LCA5: variants seen among roughly 807,000 people sequenced by gnomAD.
LCA5 encodes the protein lebercilin LCA5.
A neutral mutation model predicts 53.0 loss-of-function variants in LCA5; 37 were observed. That is an observed-to-expected ratio of 0.70 (90% CI 0.54 to 0.92). LCA5 has a LOEUF of 0.92. Among genes scored for constraint, LCA5 ranks in the 40% least tolerant of loss-of-function variants. The probability of loss-of-function intolerance (pLI) is 0.00; values close to 1 mark genes in which losing one functional copy is unlikely to be tolerated. For synonymous variants in LCA5, 303 were observed against 282.9 expected (o/e 1.07, Z -0.71); for missense variants, 806 against 790.5 (o/e 1.02, Z -0.23).
intron 1 of LCA5, among the ~76,000 whole-genome samples, chr6:79,533,810 T>C (rs548253528): frequency 1.3e-5 from 2 of 151,900 alleles, no homozygotes; most frequent in South Asian, 4.2e-4. Flanking sequence ...GAAAAAAAAC[T>C]GTAAAATCAA....
At chr6:79,517,376 GA>G (rs554214481) in intron 2 of LCA5, among the ~76,000 whole-genome samples, 1 of 151,928 alleles carries the variant, frequency 6.6e-6, no homozygotes, top group South Asian at 2.1e-4. Context: ...GGGGAATGAA[GA>G]AAAAAATTAA....
rs1404363423 is a variant in LCA5, at chr6:79,487,310, T to G, written c.1788A>C (p.Thr596=). 3 of 1,613,472 alleles carry G rather than the reference T, an allele frequency of 1.9e-6. No homozygotes were observed. Among genetic ancestry groups the G allele is most frequent in the African/African-American group, 2.7e-5 (2 of 74,760 alleles). ...KLSKDGVDLI[T]RKEKKANLME... is the part of the protein sequence containing the mutation. ...TCAAATTAGCTTTTTTCTCTTTTCTTGTAATTAAATCTACACCATCTTTAC... is the reference window on the plus strand; with the variant it reads ...TCAAATTAGCTTTTTTCTCTTTTCTGGTAATTAAATCTACACCATCTTTAC... Residue 596 remains threonine, a synonymous_variant, in exon 8 of 8, where the codon ACA becomes ACC. Coordinates refer to ENST00000369846, the MANE Select transcript of LCA5 (RefSeq NM_001122769.3).
At chr6:79,528,192 A>T (rs1766847379) in intron 1 of LCA5, among the ~76,000 whole-genome samples, 2 of 152,198 alleles carry the variant, frequency 1.3e-5, no homozygotes, top group African/African-American at 4.8e-5. Context: ...GAAACTTATA[A>T]AAGTCTGTCA....
intron 1 of LCA5, among the ~76,000 whole-genome samples, chr6:79,525,766 TG>T (rs1766767767): frequency 5.7e-5 from 6 of 104,826 alleles, no homozygotes; most frequent in African/African-American, 2.6e-4. Flanking sequence ...AAGTTAACTT[TG>T]TAACTAACAA....
intron 3 of LCA5, among the ~76,000 whole-genome samples, chr6:79,497,428 C>T (rs974786528): frequency 7.2e-5 from 11 of 152,086 alleles, no homozygotes; most frequent in Admixed American, 4.6e-4. Context: ...AATAATATCA[C>T]CTATTCAGTA....
rs114266017 is a variant in LCA5, at chr6:79,491,101, C to T, written c.1098+487G>A. ...ATTCTAACAAATCATTTGAAAACTA[C>T]TATTACTTGCTACTAAAGATAAAAG... On this transcript the variant is annotated intron_variant, in intron 6 of 7. Transcript: ENST00000369846. Among the ~76,000 whole-genome samples the T allele has an allele frequency of 3.5e-3, 531 of 151,806 alleles. 3 individuals are homozygous for T. The highest frequency in any genetic ancestry group is 0.012 in the African/African-American group (494 of 41,428).
At position 79,487,217 on chromosome 6, in the gene LCA5, C is replaced by T. The variant is rs1769688323; in HGVS notation, c.1881G>A (p.Val627=). The change falls in exon 8 of 8, where the codon GTG becomes GTA. Residue 627 remains valine, a synonymous_variant. Transcript: ENST00000369846. ...GGTCAATGTCTCCTTTACTGGAAGC[C>T]ACAGAATTTGGGTCACTGCTTTTGG... ...ISSKSSDPNS[V]ASSKGDIDPL... 1 of 1,613,872 alleles carries T rather than the reference C, an allele frequency of 6.2e-7. No individual in the cohort carries two copies. Among genetic ancestry groups the T allele is most frequent in the African/African-American group, 1.3e-5 (1 of 74,904 alleles).
intron 3 of LCA5, among the ~76,000 whole-genome samples, chr6:79,508,198 T>G (rs977416304): frequency 1.2e-4 from 18 of 152,156 alleles, no homozygotes; most frequent in African/African-American, 4.1e-4. Context: ...GGCCCGGAAC[T>G]AGAGCAAACC....
chr6:79,513,675 T>C lies in LCA5; in HGVS notation c.257A>G (p.Gln86Arg), dbSNP rs1385161968. 1 of 1,613,836 alleles carries C rather than the reference T, an allele frequency of 6.2e-7. No individual in the cohort carries two copies. The highest frequency in any genetic ancestry group is 1.1e-5 in the South Asian group (1 of 91,078). The part of the protein sequence containing the change: ...RKGVRVGFRS[Q>R]SLNREPLRKD... ...CCGAAGTGGCTCTCTATTGAGGCTC[T>C]GGGAGCGAAATCCCACTCGGACTCC... Residue 86 changes from glutamine to arginine, a missense_variant, in exon 3 of 8, where the codon CAG becomes CGG. Transcript: ENST00000369846.
intron 5 of LCA5, 112 bp from the exon 6 acceptor site, chr6:79,491,842 A>C (rs1769853078): frequency 7.2e-6 from 6 of 829,224 alleles, no homozygotes; most frequent in Non-Finnish European, 1.2e-5. Context: ...ATACATGTAC[A>C]TTTATATGCA....
intron 1 of LCA5, among the ~76,000 whole-genome samples, chr6:79,531,774 A>AT (rs1283734551): frequency 6.6e-6 from 1 of 151,772 alleles, no homozygotes; most frequent in African/African-American, 2.4e-5. Context: ...ATAGTGATCT[A>AT]TTTTCCTGGT....
chr6:79,532,615 C>T (rs1405046644), intron 1 of LCA5, among the ~76,000 whole-genome samples: 1 of 152,174 alleles, frequency 6.6e-6, no homozygotes, highest in Non-Finnish European at 1.5e-5. Context: ...CTAATTAGAA[C>T]TTCACAAAAG....
At chr6:79,532,906 T>C (rs1447535459) in intron 1 of LCA5, among the ~76,000 whole-genome samples, 1 of 152,188 alleles carries the variant, frequency 6.6e-6, no homozygotes, top group Non-Finnish European at 1.5e-5. Flanking sequence ...TAATGTTATT[T>C]CAAATAGAAT....
At position 79,486,942 on chromosome 6, in the gene LCA5, A is replaced by G; in HGVS notation, c.*62T>C. ...AGCATTAAAAAGTCTAAATGTTTAT[A>G]ATAAATACTGTATTAAAATATTTCA... is the stretch of plus-strand genomic sequence containing the variant. On this transcript the variant is annotated 3_prime_UTR_variant, in exon 8 of 8. Coordinates refer to ENST00000369846, the MANE Select transcript of LCA5 (RefSeq NM_001122769.3). 1 of 1,326,204 alleles carries G rather than the reference A, an allele frequency of 7.5e-7. No homozygotes were observed. The highest frequency in any genetic ancestry group is 1.4e-5 in the South Asian group (1 of 73,830). 82.2% of individuals were successfully genotyped at this position (1,326,204 alleles called of 1,614,324 possible). A position where few individuals can be genotyped will look rare whatever the true frequency, so the allele number is the denominator to read the frequency against.
chr6:79,513,596 G>T lies in LCA5; in HGVS notation c.336C>A (p.Ile112=), dbSNP rs377617325. 1.1e-5 allele frequency: 17 copies of T among 1,613,772 alleles called. No individual in the cohort carries two copies. The African/African-American group carries it at 2.3e-4, about 22-fold the overall frequency. ...KRILSARLLK[I]NELQNEVSEL... ...CAGATACTTCATTCTGCAACTCATT[G>T]ATTTTTAGCAGTCTTGCAGACAGAA... Residue 112 remains isoleucine (I), a synonymous_variant, in exon 3 of 8, where the codon ATC becomes ATA. Coordinates refer to ENST00000369846, the MANE Select transcript of LCA5 (RefSeq NM_001122769.3).
intron 1 of LCA5, among the ~76,000 whole-genome samples, chr6:79,524,169 T>C (rs75332807): frequency 6.6e-6 from 1 of 152,358 alleles, no homozygotes; most frequent in East Asian, 1.9e-4. Context: ...TCGAATTTCC[T>C]ATTCTAATTT....
In LCA5 at chr6:79,531,094, G is replaced by A. The variant is rs937002149; in HGVS notation, c.-192+6071C>T. 4.6e-5 allele frequency among the ~76,000 whole-genome samples: 7 copies of A among 152,088 alleles called. No individual in the cohort carries two copies. The South Asian group carries it at 1.4e-3, about 31-fold the overall frequency. On this transcript the variant is annotated intron_variant, in intron 1 of 7. Coordinates refer to ENST00000369846, the MANE Select transcript of LCA5 (RefSeq NM_001122769.3). ...TTCACAACTGGTCTAAGATCAGAAA[G>A]CTCCGTTAGTAAAACTTGAAACAGA...
chr6:79,527,522 A>G (rs1476678076), intron 1 of LCA5, among the ~76,000 whole-genome samples: 2 of 152,178 alleles, frequency 1.3e-5, no homozygotes, highest in Non-Finnish European at 2.9e-5. Context: ...CAGGCAAATA[A>G]GTATCTTTGC....
chr6:79,488,545 AATGACAGATC>A (rs1769740343), intron 7 of LCA5: 1 of 157,206 alleles, frequency 6.4e-6, no homozygotes, highest in East Asian at 1.9e-4. Context: ...TCATAATATG[AATGACAGATC>A]AGATAAATGT....
Sources: allele counts gnomAD v4.1 joint callset (sites outside exome capture counted in the v4.1 genomes callset), GRCh38; gene constraint gnomAD v4.1.1; transcripts MANE v1.5; gene names NCBI Gene and HGNC (gene_info 2026-07-23, HGNC 2026-07-21).